The following SLC27A1 variants were observed in gnomAD, a reference collection of about 807,000 sequenced individuals.
The protein encoded by SLC27A1 is solute carrier family 27 member 1.
Under a neutral mutation model 62.2 loss-of-function variants are expected in SLC27A1, and 61 were observed. That is an observed-to-expected ratio of 0.98 (90% CI 0.80 to 1.21). The LOEUF (loss-of-function observed/expected upper bound fraction) is 1.21. Among genes scored for constraint, SLC27A1 ranks in the 50% most tolerant of loss-of-function variants. The pLI is 0.00. For synonymous variants in SLC27A1, 435 were observed against 408.6 expected, an observed-to-expected ratio of 1.06 and a Z score of -0.78; for missense variants, 903 against 932.1, an observed-to-expected ratio of 0.97 and a Z score of 0.41.
chr19:17,492,676 G>T (rs1424912551), intron 6 of SLC27A1, among the ~76,000 whole-genome samples: 1 of 150,730 alleles, frequency 6.6e-6, no homozygotes. Flanking sequence ...AGTGTCTTAC[G>T]CCTGTAATCC....
Position 17,504,638 on chromosome 19 carries a change from T to A in SLC27A1, c.*26T>A. 6.2e-7 allele frequency: 1 copy of A among 1,613,450 alleles called. No individual in the cohort carries two copies. Among genetic ancestry groups the A allele is most frequent in the Non-Finnish European group, 8.5e-7 (1 of 1,179,800 alleles). ...AGCTGTTCCTCTACTGGCCACAAAC[T>A]CTGGGCCTGGTGGGAGAGGCCAGCT... On this transcript the variant is annotated 3_prime_UTR_variant, in exon 12 of 12. Coordinates refer to ENST00000252595, the MANE Select transcript of SLC27A1 (RefSeq NM_198580.3).
Position 17,486,942 on chromosome 19 carries a change from G to A in SLC27A1, c.547G>A (p.Gly183Arg), listed in dbSNP as rs1457687515. Residue 183 changes from glycine to arginine, a missense_variant, in exon 2 of 12, where the codon GGA becomes AGA. Coordinates refer to ENST00000252595, the MANE Select transcript of SLC27A1 (RefSeq NM_198580.3). The surrounding 1 kb of genome is among the most constrained non-coding windows in gnomAD (Gnocchi z 6.6). Reference protein sequence around the residue: ...TSGAKALIFGGEMVAAVAEVS... With the variant: ...TSGAKALIFGREMVAAVAEVS... The stretch of plus-strand genomic sequence containing the variant: ...GGGCGCTAAGGCCCTGATCTTTGGA[G>A]GAGAAATGGTGGCGGGTGAGGCCAG... 1 of 1,581,478 alleles carries A rather than the reference G, an allele frequency of 6.3e-7. No individual in the cohort carries two copies. The highest frequency in any genetic ancestry group is 1.8e-5 in the Admixed American group (1 of 57,028).
At chr19:17,476,637 T>C (rs990808864) in intron 1 of SLC27A1, among the ~76,000 whole-genome samples, 3 of 151,890 alleles carry the variant, frequency 2.0e-5, no homozygotes, top group African/African-American at 7.3e-5. Flanking sequence ...CGCCAGCACT[T>C]GATAAATGCT....
intron 11 of SLC27A1, among the ~76,000 whole-genome samples, chr19:17,501,802 C>A (rs866790847): frequency 6.0e-3 from 399 of 66,020 alleles, no homozygotes; most frequent in East Asian, 9.4e-3. Context: ...TACTCTGTCT[C>A]AAAAAAAAAA....
At position 17,486,811 on chromosome 19, in the gene SLC27A1, C is replaced by T. The variant is rs751021278; in HGVS notation, c.416C>T (p.Pro139Leu). 7 of 1,596,040 alleles carry T rather than the reference C, an allele frequency of 4.4e-6. No individual in the cohort carries two copies. Among genetic ancestry groups the T allele is most frequent in the Admixed American group, 1.7e-5 (1 of 58,542 alleles). ...DVVAIFLEGR[P>L]EFVGLWLGLA... ...GTGGCCATCTTCCTGGAGGGCCGGC[C>T]GGAGTTCGTGGGGCTGTGGCTGGGC... Residue 139 changes from proline (P) to leucine (L), a missense_variant, in exon 2 of 12, where the codon CCG becomes CTG. Pro to Leu is a moderately conservative substitution (Grantham distance 98). Coordinates refer to ENST00000252595, the MANE Select transcript of SLC27A1 (RefSeq NM_198580.3). This position sits in a 1 kb window ranked among gnomAD's most constrained non-coding sequence, Gnocchi z 6.6.
At chr19:17,479,888 C>G (rs2075159200) in intron 1 of SLC27A1, among the ~76,000 whole-genome samples, 1 of 152,096 alleles carries the variant, frequency 6.6e-6, no homozygotes, top group Non-Finnish European at 1.5e-5. Flanking sequence ...AAGTGATCTG[C>G]CCACCTTGGC....
At chr19:17,476,982 G>A (rs1008148645) in intron 1 of SLC27A1, among the ~76,000 whole-genome samples, 1 of 146,394 alleles carries the variant, frequency 6.8e-6, no homozygotes, top group African/African-American at 2.5e-5. Context: ...TTCACCTCCC[G>A]GGTTCAAACA....
intron 1 of SLC27A1, among the ~76,000 whole-genome samples, chr19:17,482,252 C>T (rs1431270360): frequency 6.6e-6 from 1 of 152,174 alleles, no homozygotes; most frequent in Non-Finnish European, 1.5e-5. Flanking sequence ...GGCGCAGTGG[C>T]TAACGCCTGT....
intron 1 of SLC27A1, among the ~76,000 whole-genome samples, chr19:17,473,107 A>AT (rs2075092274): frequency 6.6e-6 from 1 of 151,748 alleles, no homozygotes; most frequent in Non-Finnish European, 1.5e-5. Context: ...TAATTTTTTT[A>AT]TTTTTTGTAG....
intron 1 of SLC27A1, among the ~76,000 whole-genome samples, chr19:17,481,196 A>C (rs954992978): frequency 6.6e-6 from 1 of 151,438 alleles, no homozygotes; most frequent in African/African-American, 2.4e-5. Flanking sequence ...AAGTACTGGG[A>C]TTACAGGCGT....
intron 1 of SLC27A1, among the ~76,000 whole-genome samples, chr19:17,483,542 C>T (rs1055860142): frequency 1.2e-4 from 19 of 152,038 alleles, no homozygotes; most frequent in African/African-American, 4.6e-4. Flanking sequence ...CTTCTAGGGG[C>T]TTCCAGGGTA....
At position 17,497,355 on chromosome 19, in the gene SLC27A1, T is replaced by C. The variant is rs2144608588; in HGVS notation, c.1097T>C (p.Leu366Pro). The change falls in exon 7 of 12, where the codon CTG (leucine) becomes CCG (proline). Residue 366 changes from leucine (L) to proline (P), a missense_variant. Transcript: ENST00000252595. Reference sequence around the variant, plus strand: ...GTGCGCCTGGCGGTGGGGAACGGGCTGCGTCCTGCCATCTGGGAGGAGTTC... The same window carrying C: ...GTGCGCCTGGCGGTGGGGAACGGGCCGCGTCCTGCCATCTGGGAGGAGTTC... ...HRVRLAVGNG[L>P]RPAIWEEFTE... The C allele has an allele frequency of 6.2e-7, 1 of 1,602,744 alleles. No homozygotes were observed. The highest frequency in any genetic ancestry group is 2.3e-5 in the East Asian group (1 of 44,072).
chr19:17,485,753 C>G (rs2075223207), intron 1 of SLC27A1, among the ~76,000 whole-genome samples: 1 of 151,766 alleles, frequency 6.6e-6, no homozygotes, highest in Non-Finnish European at 1.5e-5. Context: ...TTGCTTAAAC[C>G]CAGGAGGCGG....
Position 17,486,998 on chromosome 19 carries a change from A to G in SLC27A1, c.562+41A>G, listed in dbSNP as rs771131117. 6.5e-7 allele frequency: 1 copy of G among 1,543,594 alleles called. No individual in the cohort carries two copies. Among genetic ancestry groups the G allele is most frequent in the Admixed American group, 1.9e-5 (1 of 53,612 alleles). ...GGCATCAGGTGGGCGGGGACCCAGG[A>G]CTGGCCCCTGGGCGGGCGGGGAGAT... On this transcript the variant is annotated intron_variant, in intron 2 of 11. Transcript: ENST00000252595. This position sits in a 1 kb window ranked among gnomAD's most constrained non-coding sequence, Gnocchi z 6.6.
At position 17,486,516 on chromosome 19, in the gene SLC27A1, G is replaced by A. The variant is rs1325818920; in HGVS notation, c.168-47G>A. On this transcript the variant is annotated intron_variant, in intron 1 of 11. Coordinates refer to ENST00000252595, the MANE Select transcript of SLC27A1 (RefSeq NM_198580.3). This position sits in a 1 kb window ranked among gnomAD's most constrained non-coding sequence, Gnocchi z 6.6. ...GGAGGCTGAGGCTCCCAGAGGCCAG[G>A]CGGGGCAGGGCACCAGTGACGCTGT... 7 of 1,513,696 alleles carry A rather than the reference G, an allele frequency of 4.6e-6. No individual in the cohort carries two copies. The Admixed American group carries it at 6.0e-5, about 13-fold the overall frequency. 93.8% of individuals were successfully genotyped at this position (1,513,696 alleles called of 1,614,324 possible). A position where few individuals can be genotyped will look rare whatever the true frequency, so the allele number is the denominator to read the frequency against.
At position 17,487,618 on chromosome 19, in the gene SLC27A1, C is replaced by G. The variant is rs1038294883; in HGVS notation, c.794+89C>G. 7.7e-6 allele frequency: 10 copies of G among 1,291,476 alleles called. No homozygotes were observed. The African/African-American group carries it at 1.3e-4, about 17-fold the overall frequency. 80.0% of individuals were successfully genotyped at this position (1,291,476 alleles called of 1,614,324 possible). On this transcript the variant is annotated intron_variant, in intron 4 of 11. Coordinates refer to ENST00000252595, the MANE Select transcript of SLC27A1 (RefSeq NM_198580.3). ...TGACCTGCCCCTCAGCTCCTGTGGG[C>G]ATCTCCATGTTACCCTGGGGACAGA...
chr19:17,482,388 C>T (rs1042037538), intron 1 of SLC27A1, among the ~76,000 whole-genome samples: 3 of 152,234 alleles, frequency 2.0e-5, no homozygotes, highest in South Asian at 4.1e-4. Context: ...TGTGGTGGCT[C>T]ATGCCTGTAA....
intron 1 of SLC27A1, among the ~76,000 whole-genome samples, chr19:17,476,537 CA>C (rs11332045): frequency 0.66 from 63,514 of 95,946 alleles, 19,612 homozygotes; most frequent in Middle Eastern, 0.77. Context: ...GACTCTGTCT[CA>C]AAAAAAAAAA....
At chr19:17,476,035 G>A (rs915520832) in intron 1 of SLC27A1, among the ~76,000 whole-genome samples, 2 of 152,192 alleles carry the variant, frequency 1.3e-5, no homozygotes, top group African/African-American at 2.4e-5. Flanking sequence ...TTAGCCTGAC[G>A]GTGACCAACT....
Sources: gnomAD v4.1 joint callset for allele counts (sites outside exome capture counted in the v4.1 genomes callset) on GRCh38, gnomAD v4.1.1 for gene constraint, Gnocchi (gnomAD v3.1) non-coding constraint, MANE v1.5 for transcripts, NCBI Gene and HGNC (gene_info 2026-07-23, HGNC 2026-07-21) for gene names.